NPLOC4: variants seen among roughly 807,000 people sequenced by gnomAD.
NPLOC4 encodes nuclear protein localization protein 4 homolog.
Under a neutral mutation model 80.6 loss-of-function variants are expected in NPLOC4, and 18 were observed. That is an observed-to-expected ratio of 0.22 (90% CI 0.15 to 0.33). The LOEUF is 0.33. Among genes scored for constraint, NPLOC4 ranks in the 10% least tolerant of loss-of-function variants. The pLI is 1.00. For missense variants in NPLOC4, 540 were observed against 786.1 expected, an observed-to-expected ratio of 0.69 and a Z score of 3.74; for synonymous variants, 313 against 301.5, an observed-to-expected ratio of 1.04 and a Z score of -0.39.
chr17:81,628,269 G>A (rs1386770024), intron 2 of NPLOC4, among the ~76,000 whole-genome samples: 1 of 151,408 alleles, frequency 6.6e-6, no homozygotes, highest in East Asian at 1.9e-4. Flanking sequence ...GCTGGGCACG[G>A]TGGCTCACAC....
At position 81,592,529 on chromosome 17, in the gene NPLOC4, AT is replaced by A. The variant is rs201727641; in HGVS notation, c.1121-3426del. On this transcript the variant is annotated intron_variant, in intron 11 of 16. Coordinates refer to ENST00000331134, the MANE Select transcript of NPLOC4 (RefSeq NM_017921.4). ...TCTCAGTTCTAAAACCTTTCAGTAA[AT>A]ACCAATTCCAGAGGTGAAAAAAGCC... Among the ~76,000 whole-genome samples the A allele has an allele frequency of 7.6e-3, 1,156 of 152,274 alleles. 24 individuals are homozygous for A. Among genetic ancestry groups the A allele is most frequent in the African/African-American group, 0.026 (1,100 of 41,546 alleles).
intron 8 of NPLOC4, among the ~76,000 whole-genome samples, chr17:81,602,932 C>CACAT (rs2035098605): frequency 1.4e-5 from 2 of 143,076 alleles, no homozygotes; most frequent in East Asian, 2.0e-4. Flanking sequence ...TACACACACA[C>CACAT]ATATATATAT....
At chr17:81,631,404 A>G (rs931530252) in intron 1 of NPLOC4, among the ~76,000 whole-genome samples, 2 of 138,646 alleles carry the variant, frequency 1.4e-5, no homozygotes, top group Non-Finnish European at 3.1e-5. Context: ...GTGTGCATAT[A>G]TGCATATTAA....
chr17:81,571,799 A>G (rs1200952832), intron 13 of NPLOC4, among the ~76,000 whole-genome samples: 1 of 152,202 alleles, frequency 6.6e-6, no homozygotes, highest in Non-Finnish European at 1.5e-5. Context: ...ACCTGAGACT[A>G]AAACAAAAAG....
intron 9 of NPLOC4, 100 bp downstream of exon 9, chr17:81,600,241 A>G (rs2035027801): frequency 1.3e-6 from 1 of 777,480 alleles, no homozygotes; most frequent in Non-Finnish European, 2.2e-6. Context: ...GGAGAGAGCC[A>G]GTACCCGACA....
At chr17:81,623,605 T>C (rs1211311627) in intron 2 of NPLOC4, among the ~76,000 whole-genome samples, 3 of 151,240 alleles carry the variant, frequency 2.0e-5, no homozygotes, top group Non-Finnish European at 2.9e-5. Context: ...GAGACCATCC[T>C]GGCTAACACG....
In NPLOC4 at chr17:81,580,017, C is replaced by A. The variant is rs1428984318; in HGVS notation, c.1282-7929G>T. ...GGCAAAGCCTCCTCTCCTGACTCAC[C>A]AGGGAGCTCCTTTCTTGCCTGCCTT... On this transcript the variant is annotated intron_variant, in intron 12 of 16. Coordinates refer to ENST00000331134, the MANE Select transcript of NPLOC4 (RefSeq NM_017921.4). The surrounding 1 kb of genome is among the most constrained non-coding windows in gnomAD (Gnocchi z 4.4). Among the ~76,000 whole-genome samples, 2 of 152,168 alleles carry A rather than the reference C, an allele frequency of 1.3e-5. No homozygotes were observed. The highest frequency in any genetic ancestry group is 2.9e-5 in the Non-Finnish European group (2 of 68,016).
intron 12 of NPLOC4, among the ~76,000 whole-genome samples, chr17:81,583,894 T>C (rs150841455): frequency 5.2e-4 from 79 of 152,290 alleles, no homozygotes; most frequent in African/African-American, 1.8e-3. Flanking sequence ...ACAAAAAAAA[T>C]TGGTATTATA....
chr17:81,630,481 A>G (rs568535850), intron 1 of NPLOC4, among the ~76,000 whole-genome samples: 33 of 152,014 alleles, frequency 2.2e-4, no homozygotes, highest in African/African-American at 7.2e-4. Context: ...ACGGAGTGTC[A>G]TATTTCCCAG....
chr17:81,600,326 C>A lies in NPLOC4; in HGVS notation c.921+15G>T, dbSNP rs572910106. On this transcript the variant is annotated intron_variant, in intron 9 of 16. Transcript: ENST00000331134. Reference sequence around the variant, plus strand: ...CTGGCCACGCCCCCTGCTTGGCTGCCGGATGCCTCAGTACCTTCCGCAGGC... The same window carrying A: ...CTGGCCACGCCCCCTGCTTGGCTGCAGGATGCCTCAGTACCTTCCGCAGGC... The A allele has an allele frequency of 1.3e-6, 2 of 1,599,696 alleles. No homozygotes were observed. The highest frequency in any genetic ancestry group is 2.2e-5 in the East Asian group (1 of 44,590).
chr17:81,581,297 C>T (rs538564321), intron 12 of NPLOC4, among the ~76,000 whole-genome samples: 6 of 132,830 alleles, frequency 4.5e-5, no homozygotes, highest in African/African-American at 1.2e-4. Context: ...TGTAGTGAGC[C>T]GAGATTGGGC....
At position 81,626,316 on chromosome 17, in the gene NPLOC4, A is replaced by AAC. The variant is rs1347880534; in HGVS notation, c.96+3408_96+3409insGT. On this transcript the variant is annotated intron_variant, in intron 2 of 16. Coordinates refer to ENST00000331134, the MANE Select transcript of NPLOC4 (RefSeq NM_017921.4). ...GGGCAACAGAGCGAGACTCCATCTCAAGAAAAAAAAAAAAGAAAAGAATGA... is the reference window on the plus strand; with the variant it reads ...GGGCAACAGAGCGAGACTCCATCTCAACAGAAAAAAAAAAAAGAAAAGAATGA... Among the ~76,000 whole-genome samples, 6 of 119,354 alleles carry AAC rather than the reference A, an allele frequency of 5.0e-5. No individual in the cohort carries two copies. In the South Asian group the frequency reaches 1.6e-3, roughly 33 times the overall value. 78.3% of individuals were successfully genotyped at this position (119,354 alleles called of 152,430 possible).
chr17:81,589,514 G>T (rs2034679393), intron 11 of NPLOC4, among the ~76,000 whole-genome samples: 1 of 150,118 alleles, frequency 6.7e-6, no homozygotes, highest in Non-Finnish European at 1.5e-5. Context: ...CTCCAGCCTG[G>T]GTGACAGACT....
chr17:81,602,181 G>C (rs1286420423), intron 8 of NPLOC4, among the ~76,000 whole-genome samples: 1 of 152,140 alleles, frequency 6.6e-6, no homozygotes, highest in Non-Finnish European at 1.5e-5. Flanking sequence ...TTGGGAGAAA[G>C]AGGTAAGAGG....
At position 81,557,237 on chromosome 17, in the gene NPLOC4, C is replaced by G. The variant is rs1315853397; in HGVS notation, c.*2022G>C. 1 of 152,466 alleles carries G rather than the reference C, an allele frequency of 6.6e-6. No individual in the cohort carries two copies. The highest frequency in any genetic ancestry group is 2.4e-5 in the African/African-American group (1 of 41,460). 9.4% of individuals were successfully genotyped at this position (152,466 alleles called of 1,614,324 possible). ...GGCTGAGCCTCCCAGGGCCTGAACTCTCACAGCAGGGCTCACCCCCAAGCC... is the reference window on the plus strand; with the variant it reads ...GGCTGAGCCTCCCAGGGCCTGAACTGTCACAGCAGGGCTCACCCCCAAGCC... On this transcript the variant is annotated 3_prime_UTR_variant, in exon 17 of 17. Transcript: ENST00000331134.
At chr17:81,602,039 G>C (rs1419530031) in intron 8 of NPLOC4, among the ~76,000 whole-genome samples, 1 of 152,104 alleles carries the variant, frequency 6.6e-6, no homozygotes, top group Non-Finnish European at 1.5e-5. Flanking sequence ...TACGTACAAA[G>C]AAACAAAGAA....
At chr17:81,603,711 T>C (rs1287121262) in intron 8 of NPLOC4, among the ~76,000 whole-genome samples, 1 of 152,228 alleles carries the variant, frequency 6.6e-6, no homozygotes, top group African/African-American at 2.4e-5. Flanking sequence ...CTATGCACTA[T>C]CTGTCCCTCT....
At chr17:81,597,669 G>C (rs775634033) in intron 9 of NPLOC4, among the ~76,000 whole-genome samples, 1 of 151,940 alleles carries the variant, frequency 6.6e-6, no homozygotes, top group East Asian at 1.9e-4. Context: ...TGTAATCCCA[G>C]CTACTCAGGA....
intron 12 of NPLOC4, among the ~76,000 whole-genome samples, chr17:81,583,120 A>G (rs531157735): frequency 2.6e-5 from 4 of 152,366 alleles, no homozygotes; most frequent in African/African-American, 9.6e-5. Flanking sequence ...CCTAATTATC[A>G]AGAGAGATGT....
Sources: gnomAD v4.1 joint callset for allele counts (sites outside exome capture counted in the v4.1 genomes callset) on GRCh38, gnomAD v4.1.1 for gene constraint, Gnocchi (gnomAD v3.1) non-coding constraint, MANE v1.5 for transcripts, NCBI Gene and HGNC (gene_info 2026-07-23, HGNC 2026-07-21) for gene names.